KLHL29: variants seen among roughly 807,000 people sequenced by gnomAD.
The protein encoded by KLHL29 is kelch-like protein 29.
A neutral mutation model predicts 80.4 loss-of-function variants in KLHL29; 21 were observed. The observed-to-expected ratio is 0.26, with a 90% CI of 0.19 to 0.38. The LOEUF (loss-of-function observed/expected upper bound fraction) is 0.38. Ranked by LOEUF, KLHL29 falls within the 10% of genes least tolerant of loss-of-function variation. The pLI is 1.00. For synonymous variants in KLHL29, 511 were observed against 526.8 expected, an observed-to-expected ratio of 0.97 and a Z score of 0.41; for missense variants, 867 against 1,223.9, an observed-to-expected ratio of 0.71 and a Z score of 4.35.
At chr2:23,619,609 CAG>C (rs1354892488) in intron 3 of KLHL29, among the ~76,000 whole-genome samples, 2 of 148,396 alleles carry the variant, frequency 1.3e-5, no homozygotes, top group African/African-American at 2.4e-5. Context: ...GTGCAGAACA[CAG>C]GGGAGAAGCC....
At chr2:23,435,217 TAGG>T (rs1341328863) in intron 1 of KLHL29, among the ~76,000 whole-genome samples, 1 of 152,066 alleles carries the variant, frequency 6.6e-6, no homozygotes, top group Non-Finnish European at 1.5e-5. Flanking sequence ...GGTCGGGCAT[TAGG>T]AGATGGCACT....
chr2:23,572,372 A>T (rs558819905), intron 3 of KLHL29, among the ~76,000 whole-genome samples: 1 of 152,206 alleles, frequency 6.6e-6, no homozygotes, highest in African/African-American at 2.4e-5. Flanking sequence ...ATGGGAAAAC[A>T]TTTTTTGCTA....
intron 3 of KLHL29, among the ~76,000 whole-genome samples, chr2:23,611,234 T>G (rs1300998561): frequency 1.3e-5 from 2 of 152,216 alleles, no homozygotes; most frequent in Non-Finnish European, 2.9e-5. Context: ...GTAAGCCTTA[T>G]GCTTACAGCC....
chr2:23,482,158 A>G (rs1293539087), intron 2 of KLHL29, among the ~76,000 whole-genome samples: 1 of 152,178 alleles, frequency 6.6e-6, no homozygotes, highest in Non-Finnish European at 1.5e-5. Context: ...AAAGCCAGGG[A>G]GCTGAGGATA....
At chr2:23,611,385 C>T (rs994472082) in intron 3 of KLHL29, among the ~76,000 whole-genome samples, 3 of 152,120 alleles carry the variant, frequency 2.0e-5, no homozygotes, top group East Asian at 3.9e-4. Context: ...CCAGTGACCC[C>T]TGTACTTTCT....
intron 5 of KLHL29, among the ~76,000 whole-genome samples, chr2:23,655,016 G>T (rs1430992854): frequency 6.6e-6 from 1 of 152,194 alleles, no homozygotes; most frequent in East Asian, 1.9e-4. Context: ...CAGTCTCCTG[G>T]CTGATACTTC....
At chr2:23,586,176 G>T (rs998555237) in intron 3 of KLHL29, among the ~76,000 whole-genome samples, 1 of 152,030 alleles carries the variant, frequency 6.6e-6, no homozygotes, top group Admixed American at 6.5e-5. Flanking sequence ...AAAAAAAATT[G>T]TGGTAAGCGA....
intron 1 of KLHL29, among the ~76,000 whole-genome samples, chr2:23,409,439 G>C (rs1051579278): frequency 6.6e-6 from 1 of 152,330 alleles, no homozygotes; most frequent in East Asian, 1.9e-4. Flanking sequence ...TGAATGTTCT[G>C]ATGGTGTGCG....
rs113211352 is a variant in KLHL29 at position 23,431,718 on chromosome 2, C to T, written c.-153-43842C>T. Among the ~76,000 whole-genome samples the T allele has an allele frequency of 3.6e-3, 543 of 151,992 alleles. 4 individuals are homozygous for T. Among genetic ancestry groups the T allele is most frequent in the African/African-American group, 0.013 (523 of 41,456 alleles). The stretch of plus-strand genomic sequence containing the variant: ...ACCATCCTGGCTAACACGGTGAAAC[C>T]CCGTCTCTACTAAAAGTACAAAAAA... On this transcript the variant is annotated intron_variant, in intron 1 of 13. Transcript: ENST00000486442.
chr2:23,605,484 G>C (rs1410668829), intron 3 of KLHL29, among the ~76,000 whole-genome samples: 1 of 152,090 alleles, frequency 6.6e-6, no homozygotes, highest in East Asian at 1.9e-4. Context: ...GCCTTCCACA[G>C]AACACAGCCC....
At chr2:23,539,067 C>T (rs997440954) in intron 2 of KLHL29, among the ~76,000 whole-genome samples, 3 of 152,192 alleles carry the variant, frequency 2.0e-5, no homozygotes, top group African/African-American at 7.2e-5. Flanking sequence ...GAAAATTTTG[C>T]TAGAAGCTAA....
chr2:23,644,598 C>T (rs1669869903), intron 5 of KLHL29, among the ~76,000 whole-genome samples: 1 of 152,238 alleles, frequency 6.6e-6, no homozygotes, highest in African/African-American at 2.4e-5. Context: ...TAAACATTGT[C>T]AGCCCTGAGC....
intron 1 of KLHL29, among the ~76,000 whole-genome samples, chr2:23,418,440 T>A (rs1203894056): frequency 6.6e-6 from 1 of 152,196 alleles, no homozygotes; most frequent in Non-Finnish European, 1.5e-5. Context: ...CACATAGGCA[T>A]CTCGGAGGGA....
intron 13 of KLHL29, 36 bp from the exon 14 acceptor site, chr2:23,706,445 G>A: frequency 7.2e-7 from 1 of 1,395,906 alleles, no homozygotes; most frequent in Non-Finnish European, 9.4e-7. Flanking sequence ...AGTTGGAAGT[G>A]AAATGCCTAA....
chr2:23,547,393 A>C (rs1667004716), intron 2 of KLHL29, among the ~76,000 whole-genome samples: 1 of 152,198 alleles, frequency 6.6e-6, no homozygotes, highest in Non-Finnish European at 1.5e-5. Context: ...GAATGTGATC[A>C]TGTTTAGGAT....
chr2:23,502,750 T>G (rs1439825914), intron 2 of KLHL29, among the ~76,000 whole-genome samples: 2 of 152,194 alleles, frequency 1.3e-5, no homozygotes, highest in African/African-American at 4.8e-5. Context: ...TGGTGGCCAC[T>G]CCACATTCTT....
At chr2:23,461,721 G>C (rs781197491) in intron 1 of KLHL29, among the ~76,000 whole-genome samples, 3 of 151,652 alleles carry the variant, frequency 2.0e-5, no homozygotes, top group African/African-American at 4.8e-5. Flanking sequence ...TATCTTTGCT[G>C]GGGGGGCAGG....
At chr2:23,438,255 G>A (rs1371042150) in intron 1 of KLHL29, among the ~76,000 whole-genome samples, 2 of 152,036 alleles carry the variant, frequency 1.3e-5, no homozygotes, top group South Asian at 4.2e-4. Flanking sequence ...GGCGTCTGCA[G>A]ACAGAGACAA....
chr2:23,636,086 C>A (rs572075054), intron 3 of KLHL29, among the ~76,000 whole-genome samples: 1 of 152,138 alleles, frequency 6.6e-6, no homozygotes, highest in Non-Finnish European at 1.5e-5. Context: ...TGAACATGGT[C>A]CCCTAGAAGC....
Sources: gnomAD v4.1 joint callset for allele counts (sites outside exome capture counted in the v4.1 genomes callset) on GRCh38, gnomAD v4.1.1 for gene constraint, MANE v1.5 for transcripts, NCBI Gene and HGNC (gene_info 2026-07-23, HGNC 2026-07-21) for gene names.